Variants in NFATC3 observed in about 807,000 individuals in gnomAD.
NFATC3 encodes the protein nuclear factor of activated T cells 3.
NFATC3 carries 46 observed loss-of-function variants against 98.6 expected under a neutral mutation model. That is an observed-to-expected ratio of 0.47 (90% CI 0.37 to 0.60). The LOEUF is 0.60. NFATC3 is among the 20% of genes least tolerant of loss of function. NFATC3 has a pLI of 0.00. For synonymous variants in NFATC3, 512 were observed against 472.2 expected (o/e 1.08, Z -1.09); for missense variants, 1,256 against 1,295.5 (o/e 0.97, Z 0.47).
chr16:68,121,366 T>G (rs924248471), intron 1 of NFATC3, among the ~76,000 whole-genome samples: 6 of 140,548 alleles, frequency 4.3e-5, no homozygotes, highest in African/African-American at 1.0e-4. Flanking sequence ...TATGGATGTG[T>G]TTTTTTTTTT....
intron 9 of NFATC3, among the ~76,000 whole-genome samples, chr16:68,194,294 G>A (rs2040567809): frequency 1.3e-5 from 2 of 152,160 alleles, no homozygotes; most frequent in African/African-American, 4.8e-5. Context: ...AATTCCTGGA[G>A]AATATTCTCC....
chr16:68,223,372 A>T (rs944253385), intron 9 of NFATC3, among the ~76,000 whole-genome samples: 9 of 152,330 alleles, frequency 5.9e-5, no homozygotes, highest in South Asian at 2.1e-4. Context: ...AAAAAATTTT[A>T]AAATCAGCCA....
chr16:68,109,402 C>G (rs1304590341), intron 1 of NFATC3, among the ~76,000 whole-genome samples: 1 of 152,136 alleles, frequency 6.6e-6, no homozygotes, highest in East Asian at 1.9e-4. Flanking sequence ...GTTGAACCAG[C>G]CTTGCATTCT....
intron 4 of NFATC3, among the ~76,000 whole-genome samples, chr16:68,160,581 G>T (rs1446832839): frequency 6.6e-6 from 1 of 152,046 alleles, no homozygotes; most frequent in Admixed American, 6.5e-5. Flanking sequence ...TGCCTGCTTT[G>T]GTTCAGATGG....
chr16:68,212,565 A>C (rs1306673204), intron 9 of NFATC3: 1 of 152,202 alleles, frequency 6.6e-6, no homozygotes, highest in Non-Finnish European at 1.5e-5. Flanking sequence ...TGAATGCTTT[A>C]GCCAGTACTG....
intron 3 of NFATC3, among the ~76,000 whole-genome samples, chr16:68,129,601 T>C (rs2037015752): frequency 6.6e-6 from 1 of 152,002 alleles, no homozygotes; most frequent in Admixed American, 6.6e-5. Flanking sequence ...TTAGGTCTTG[T>C]TATGTTGCCC....
At chr16:68,098,412 C>T (rs1189150464) in intron 1 of NFATC3, among the ~76,000 whole-genome samples, 2 of 150,632 alleles carry the variant, frequency 1.3e-5, no homozygotes, top group Non-Finnish European at 2.9e-5. Flanking sequence ...AGTTGTTCTC[C>T]TGCCTCAGCC....
chr16:68,154,682 T>A (rs1428162552), intron 3 of NFATC3, among the ~76,000 whole-genome samples: 1 of 152,186 alleles, frequency 6.6e-6, no homozygotes, highest in Admixed American at 6.5e-5. Context: ...GAGGGAATGA[T>A]ATTTCAGAGG....
chr16:68,216,012 G>A (rs947770762), intron 9 of NFATC3, among the ~76,000 whole-genome samples: 1 of 152,132 alleles, frequency 6.6e-6, no homozygotes, highest in Non-Finnish European at 1.5e-5. Flanking sequence ...ACAGGCATGA[G>A]CCACCGCGCT....
chr16:68,197,171 T>C (rs1048188942), intron 9 of NFATC3, among the ~76,000 whole-genome samples: 3 of 152,302 alleles, frequency 2.0e-5, no homozygotes, highest in Admixed American at 1.3e-4. Context: ...CTAGAACTCA[T>C]GGCCTCAAGC....
chr16:68,185,625 C>T (rs559315147), intron 8 of NFATC3, among the ~76,000 whole-genome samples: 2 of 151,930 alleles, frequency 1.3e-5, no homozygotes, highest in South Asian at 2.1e-4. Flanking sequence ...CCTGTGGCCC[C>T]GCTACTTTGG....
chr16:68,099,510 C>A (rs558467012), intron 1 of NFATC3, among the ~76,000 whole-genome samples: 2 of 151,072 alleles, frequency 1.3e-5, no homozygotes, highest in African/African-American at 2.4e-5. Context: ...CTGAGACAGG[C>A]GAATCGCTTG....
At position 68,204,492 on chromosome 16, in the gene NFATC3, T is replaced by C. The variant is rs184947770; in HGVS notation, c.3106+12717T>C. Among the ~76,000 whole-genome samples the C allele has an allele frequency of 2.3e-3, 356 of 152,356 alleles. 2 individuals are homozygous for C. Among genetic ancestry groups the C allele is most frequent in the Non-Finnish European group, 3.9e-3 (262 of 68,028 alleles). The stretch of plus-strand genomic sequence containing the variant: ...GCAATCATGTGTGAAATGTGAATTA[T>C]TAGTCTTAATTTTGTATAGATGTGG... On this transcript the variant is annotated intron_variant, in intron 9 of 9. Transcript: ENST00000346183.
chr16:68,186,829 A>T (rs2040224156), intron 8 of NFATC3, among the ~76,000 whole-genome samples: 1 of 152,190 alleles, frequency 6.6e-6, no homozygotes, highest in African/African-American at 2.4e-5. Context: ...TGAATACTTT[A>T]TTTAGAGATT....
At chr16:68,135,530 T>G (rs1037652404) in intron 3 of NFATC3, among the ~76,000 whole-genome samples, 2 of 150,886 alleles carry the variant, frequency 1.3e-5, no homozygotes, top group Non-Finnish European at 2.9e-5. Flanking sequence ...CTTTAATAAA[T>G]TTAAAATAGT....
chr16:68,180,170 G>A (rs2039893126), intron 6 of NFATC3, among the ~76,000 whole-genome samples: 1 of 152,144 alleles, frequency 6.6e-6, no homozygotes, highest in Non-Finnish European at 1.5e-5. Flanking sequence ...AAAATATTAT[G>A]TAAGGAATAG....
chr16:68,201,703 C>A (rs1294171575), intron 9 of NFATC3, among the ~76,000 whole-genome samples: 5 of 151,016 alleles, frequency 3.3e-5, no homozygotes, highest in Non-Finnish European at 5.9e-5. Flanking sequence ...GTAATCCCAG[C>A]ACTTTGGGAG....
At chr16:68,198,809 G>T (rs917069448) in intron 9 of NFATC3, among the ~76,000 whole-genome samples, 1 of 152,198 alleles carries the variant, frequency 6.6e-6, no homozygotes, top group Non-Finnish European at 1.5e-5. Flanking sequence ...AGCACTATGG[G>T]AGGCCAAGGC....
chr16:68,112,101 G>C (rs1436915296), intron 1 of NFATC3, among the ~76,000 whole-genome samples: 1 of 151,826 alleles, frequency 6.6e-6, no homozygotes. Context: ...TTTTGGGATT[G>C]ATCTTCTCAT....
Sources: gnomAD v4.1 joint callset for allele counts (sites outside exome capture counted in the v4.1 genomes callset) on GRCh38, gnomAD v4.1.1 for gene constraint, MANE v1.5 for transcripts, NCBI Gene and HGNC (gene_info 2026-07-23, HGNC 2026-07-21) for gene names.